ACLY: variants seen among roughly 807,000 people sequenced by gnomAD.
ACLY encodes ATP-citrate synthase.
A neutral mutation model predicts 133.0 loss-of-function variants in ACLY; 41 were observed. The ratio of observed to expected loss-of-function variants is 0.31; its 90% CI spans 0.24 to 0.40. The LOEUF (loss-of-function observed/expected upper bound fraction) is 0.40, where lower values mean the gene tolerates loss of function less well. Ranked by LOEUF, ACLY falls within the 10% of genes least tolerant of loss-of-function variation. The pLI is 1.00. For synonymous variants in ACLY, 495 were observed against 549.3 expected (o/e 0.90, Z 1.38); for missense variants, 1,046 against 1,453.8 (o/e 0.72, Z 4.56).
Position 41,868,952 on chromosome 17 carries a change from T to G in ACLY, c.3134+91A>C. On this transcript the variant is annotated intron_variant, in intron 27 of 28. Coordinates refer to ENST00000352035, the MANE Select transcript of ACLY (RefSeq NM_001096.3). ...TATACCTCTCCTTATTTTTCAAATA[T>G]TCTATTATGAGTATGCATTACTTTT... 4 of 1,374,786 alleles carry G rather than the reference T, an allele frequency of 2.9e-6. 1 individual carries two copies. Among genetic ancestry groups the G allele is most frequent in the Non-Finnish European group, 4.1e-6 (4 of 978,776 alleles). The allele number at this position is 1,374,786 out of a possible 1,614,324, so 85.2% of individuals were successfully genotyped here.
intron 22 of ACLY, 96 bp from the exon 23 acceptor site, chr17:41,874,061 C>G: frequency 7.9e-7 from 1 of 1,267,424 alleles, no homozygotes; most frequent in South Asian, 2.0e-5. Context: ...AACCAAAGCA[C>G]CCCAGGAATG....
intron 11 of ACLY, among the ~76,000 whole-genome samples, chr17:41,899,357 G>A (rs1224038022): frequency 6.6e-6 from 1 of 151,868 alleles, no homozygotes; most frequent in Admixed American, 6.6e-5. Flanking sequence ...TATTCCTCCT[G>A]TTCGCAGTCT....
chr17:41,896,682 AC>A, intron 13 of ACLY, 33 bp from the exon 14 acceptor site: 1 of 1,553,516 alleles, frequency 6.4e-7, no homozygotes, highest in Non-Finnish European at 8.7e-7. Flanking sequence ...CAACTGAGTG[AC>A]CCACTGATGG....
chr17:41,916,840 G>C (rs1433403473), intron 1 of ACLY, among the ~76,000 whole-genome samples: 4 of 152,026 alleles, frequency 2.6e-5, no homozygotes, highest in African/African-American at 9.7e-5. Flanking sequence ...CCCACAGACT[G>C]ACCACCAGTT....
At chr17:41,924,510 C>G (rs575108570) in intron 1 of ACLY, among the ~76,000 whole-genome samples, 2 of 152,228 alleles carry the variant, frequency 1.3e-5, no homozygotes, top group Admixed American at 6.5e-5. Context: ...CACCTCTCTC[C>G]TTGTAACAGC....
chr17:41,886,164 T>C lies in ACLY; in HGVS notation c.2020A>G (p.Ile674Val). Residue 674 changes from isoleucine (I) to valine (V), a missense_variant, in exon 18 of 29, where the codon ATC becomes GTC. By Grantham distance (29) the Ile-to-Val change is conservative (BLOSUM62 3). Transcript: ENST00000352035. ...GGMSNELNNI[I>V]SRTTDGVYEG... is the part of the protein sequence containing the mutation. ...TAGACGCCATCCGTGGTCCGAGAGA[T>C]GATATTGTTGAGCTCGTTGGACATG... 1 of 1,613,664 alleles carries C rather than the reference T, an allele frequency of 6.2e-7. No homozygotes were observed. Among genetic ancestry groups the C allele is most frequent in the African/African-American group, 1.3e-5 (1 of 75,040 alleles).
At chr17:41,925,187 C>G (rs1489418604) in intron 1 of ACLY, among the ~76,000 whole-genome samples, 4 of 151,816 alleles carry the variant, frequency 2.6e-5, no homozygotes, top group East Asian at 1.9e-4. Flanking sequence ...AGGCGCCCAC[C>G]ACCACACAGG....
chr17:41,921,703 C>T (rs1555635459), upstream of ACLY, among the ~76,000 whole-genome samples: 2 of 152,122 alleles, frequency 1.3e-5, no homozygotes, highest in East Asian at 3.9e-4. Context: ...GGCATGCTGG[C>T]TCACGCCTAT....
intron 1 of ACLY, 30 bp from the exon 2 acceptor site, chr17:41,913,926 G>T (rs782638214): frequency 1.2e-4 from 189 of 1,609,156 alleles, no homozygotes; most frequent in Middle Eastern, 1.7e-4. Context: ...TGGTCAGAAG[G>T]GGGCAGGCGT....
intron 14 of ACLY, among the ~76,000 whole-genome samples, chr17:41,895,937 G>A (rs1359167607): frequency 6.6e-6 from 1 of 152,166 alleles, no homozygotes; most frequent in Non-Finnish European, 1.5e-5. Context: ...GGGTGAATGC[G>A]CATGCACAGA....
Position 41,867,618 on chromosome 17 carries a change from T to C in ACLY, c.*192A>G, listed in dbSNP as rs1333651027. 2 of 402,738 alleles carry C rather than the reference T, an allele frequency of 5.0e-6. No homozygotes were observed. Among genetic ancestry groups the C allele is most frequent in the East Asian group, 3.9e-5 (1 of 25,836 alleles). 24.9% of individuals were successfully genotyped at this position (402,738 alleles called of 1,614,324 possible). A position where few individuals can be genotyped will look rare whatever the true frequency, so the allele number is the denominator to read the frequency against. ...TTTATTTCTATGCTTATAAAAAAAA[T>C]ATGAAGCTTCTTTGTGTGGACTGAA... On this transcript the variant is annotated 3_prime_UTR_variant, in exon 29 of 29. Coordinates refer to ENST00000352035, the MANE Select transcript of ACLY (RefSeq NM_001096.3).
intron 10 of ACLY, among the ~76,000 whole-genome samples, chr17:41,902,376 G>A (rs1209632772): frequency 6.6e-6 from 1 of 152,152 alleles, no homozygotes; most frequent in Non-Finnish European, 1.5e-5. Flanking sequence ...ACCACACCTG[G>A]CTAATTTTTT....
At chr17:41,877,465 A>G (rs62074952) in intron 22 of ACLY, among the ~76,000 whole-genome samples, 2 of 141,396 alleles carry the variant, frequency 1.4e-5, no homozygotes, top group Non-Finnish European at 3.1e-5. Context: ...TTTTTTTTAA[A>G]TTACAGACAG....
intron 10 of ACLY, among the ~76,000 whole-genome samples, chr17:41,904,277 G>A (rs1555632156): frequency 1.7e-5 from 2 of 120,192 alleles, no homozygotes; most frequent in Non-Finnish European, 1.8e-5. Context: ...GAAGGGAGGG[G>A]AGGGAGGAAG....
chr17:41,914,521 G>A (rs1467923038), intron 1 of ACLY, among the ~76,000 whole-genome samples: 3 of 152,184 alleles, frequency 2.0e-5, no homozygotes, highest in African/African-American at 4.8e-5. Context: ...GAGTAGGGGA[G>A]GGGGGAGGAT....
chr17:41,924,477 T>C (rs1299030303), intron 1 of ACLY, among the ~76,000 whole-genome samples: 4 of 152,138 alleles, frequency 2.6e-5, no homozygotes, highest in African/African-American at 9.7e-5. Context: ...TTTCTGTTTA[T>C]GTAGAGTATC....
At chr17:41,908,882 TTG>T in intron 6 of ACLY, 105 bp downstream of exon 6, 1 of 906,352 alleles carries the variant, frequency 1.1e-6, no homozygotes, top group South Asian at 1.4e-5. Context: ...CACATCTGTC[TTG>T]TGTTACCCTC....
At chr17:41,925,524 T>C (rs1000746883) in intron 1 of ACLY, among the ~76,000 whole-genome samples, 3 of 151,242 alleles carry the variant, frequency 2.0e-5, no homozygotes, top group Non-Finnish European at 4.4e-5. Context: ...GGTGGGAGGA[T>C]TGCTTGAGCC....
rs1033112037 is a variant in ACLY at position 41,868,181 on chromosome 17, G to A, written c.3212-277C>T. Among the ~76,000 whole-genome samples the A allele has an allele frequency of 3.9e-5, 6 of 152,056 alleles. No homozygotes were observed. In the East Asian group the frequency reaches 9.6e-4, roughly 24 times the overall value. On this transcript the variant is annotated intron_variant, in intron 28 of 28. Transcript: ENST00000352035. The stretch of plus-strand genomic sequence containing the variant: ...AGGCCGGGCACGGTGGTTCACGCCT[G>A]TAATCCCAGCACTTTGGGAGGCCGA...
Sources: allele counts gnomAD v4.1 joint callset (sites outside exome capture counted in the v4.1 genomes callset), GRCh38; gene constraint gnomAD v4.1.1; transcripts MANE v1.5; gene names NCBI Gene and HGNC (gene_info 2026-07-23, HGNC 2026-07-21).